Variants in RCC2 observed in about 807,000 individuals in gnomAD.
The protein encoded by RCC2 is regulator of chromosome condensation 2.
Under a neutral mutation model 64.1 loss-of-function variants are expected in RCC2, and 19 were observed. The observed-to-expected ratio is 0.30, with a 90% CI of 0.21 to 0.44. The LOEUF (loss-of-function observed/expected upper bound fraction) is 0.44. Among genes scored for constraint, RCC2 ranks in the 20% least tolerant of loss-of-function variants. The pLI, the probability that RCC2 is intolerant of heterozygous loss-of-function variation, is 1.00. For missense variants in RCC2, 508 were observed against 710.4 expected (o/e 0.72, Z 3.24); for synonymous variants, 325 against 279.6 (o/e 1.16, Z -1.62).
chr1:17,425,944 G>A (rs1446780386), intron 3 of RCC2, among the ~76,000 whole-genome samples: 1 of 152,112 alleles, frequency 6.6e-6, no homozygotes, highest in South Asian at 2.1e-4. Flanking sequence ...ACACCCATTC[G>A]GCCCCAGCCC....
At chr1:17,409,788 C>A (rs2075405298) in intron 12 of RCC2, among the ~76,000 whole-genome samples, 186 bp downstream of exon 12, 1 of 152,248 alleles carries the variant, frequency 6.6e-6, no homozygotes, top group Non-Finnish European at 1.5e-5. Flanking sequence ...TGGCCAGCAA[C>A]CCTGTGCACT....
rs534481846 is a variant in RCC2 at position 17,438,644 on chromosome 1, G to A, written c.-8-122C>T. ...CTCTGCCCTCCCCAAAGTGGCGGCC[G>A]CAGGGTGGGCGGAGAGGGGGCGAGT... On this transcript the variant is annotated intron_variant, in intron 1 of 12. Transcript: ENST00000375436. 155 of 1,020,524 alleles carry A rather than the reference G, an allele frequency of 1.5e-4. No homozygotes were observed. The African/African-American group carries it at 2.3e-3, about 15-fold the overall frequency. 63.2% of individuals were successfully genotyped at this position (1,020,524 alleles called of 1,614,324 possible). A position where few individuals can be genotyped will look rare whatever the true frequency, so the allele number is the denominator to read the frequency against.
chr1:17,421,085 C>A (rs1177080245), intron 6 of RCC2, among the ~76,000 whole-genome samples: 18 of 152,140 alleles, frequency 1.2e-4, no homozygotes, highest in Non-Finnish European at 1.5e-5. Flanking sequence ...TCAATAAAAC[C>A]AAGTCCCTCC....
At chr1:17,420,648 C>T (rs1461008240) in intron 7 of RCC2, 66 bp downstream of exon 7, 4 of 1,034,980 alleles carry the variant, frequency 3.9e-6, no homozygotes, top group Non-Finnish European at 5.7e-6. Context: ...TGCAGCCCCA[C>T]ACTGATCTCT....
At chr1:17,431,476 T>C (rs1439224912) in intron 2 of RCC2, among the ~76,000 whole-genome samples, 6 of 94,308 alleles carry the variant, frequency 6.4e-5, no homozygotes. Context: ...AGACCAACCA[T>C]GGTGACAAAG....
At chr1:17,436,671 G>A (rs533460348) in intron 2 of RCC2, among the ~76,000 whole-genome samples, 1 of 152,176 alleles carries the variant, frequency 6.6e-6, no homozygotes, top group Admixed American at 6.5e-5. Flanking sequence ...TTGCTCTGAT[G>A]GCAAAATTCA....
chr1:17,413,010 G>T, intron 10 of RCC2, 63 bp downstream of exon 10: 1 of 1,248,214 alleles, frequency 8.0e-7, no homozygotes. Context: ...GCACCCCATG[G>T]GTGTGTCTGA....
chr1:17,438,702 G>T, intron 1 of RCC2, 180 bp from the exon 2 acceptor site: 1 of 532,848 alleles, frequency 1.9e-6, no homozygotes, highest in Non-Finnish European at 2.8e-6. Flanking sequence ...CCCTGGCCCC[G>T]GCGCGGCTCC....
intron 2 of RCC2, among the ~76,000 whole-genome samples, chr1:17,431,333 CAAAA>C (rs1168877538): frequency 4.1e-4 from 4 of 9,660 alleles, no homozygotes; most frequent in African/African-American, 1.3e-3. Flanking sequence ...GACTCCATCT[CAAAA>C]AAAAAAAAAA....
chr1:17,433,807 T>C (rs1036225099), intron 2 of RCC2, among the ~76,000 whole-genome samples: 2 of 152,162 alleles, frequency 1.3e-5, no homozygotes, highest in South Asian at 2.1e-4. Context: ...CCTTTTAACA[T>C]AGGTCCATGT....
At chr1:17,433,075 T>C (rs1334992497) in intron 2 of RCC2, among the ~76,000 whole-genome samples, 1 of 152,190 alleles carries the variant, frequency 6.6e-6, no homozygotes, top group African/African-American at 2.4e-5. Flanking sequence ...TATACGTGTG[T>C]ATGTGTGAAA....
chr1:17,413,056 G>C lies in RCC2; in HGVS notation c.1313+17C>G. The C allele has an allele frequency of 6.3e-7, 1 of 1,579,460 alleles. No individual in the cohort carries two copies. ...AAAGGAAGAGACCTCATACCCACAGGAGATGCTGCCACCTACCCACAAGCC... is the reference window on the plus strand; with the variant it reads ...AAAGGAAGAGACCTCATACCCACAGCAGATGCTGCCACCTACCCACAAGCC... On this transcript the variant is annotated intron_variant, in intron 10 of 12. Transcript: ENST00000375436.
intron 7 of RCC2, among the ~76,000 whole-genome samples, chr1:17,419,719 G>A (rs2075530101): frequency 6.6e-6 from 1 of 152,178 alleles, no homozygotes; most frequent in South Asian, 2.1e-4. Flanking sequence ...AAATCGACTT[G>A]CCGGGGTGCA....
At chr1:17,419,321 T>C (rs141264433) in intron 7 of RCC2, among the ~76,000 whole-genome samples, 23 of 152,282 alleles carry the variant, frequency 1.5e-4, no homozygotes, top group African/African-American at 5.5e-4. Context: ...ATCACACCAC[T>C]GCACTCCATC....
At chr1:17,427,711 G>A (rs1377275597) in intron 3 of RCC2, among the ~76,000 whole-genome samples, 1 of 152,092 alleles carries the variant, frequency 6.6e-6, no homozygotes, top group Non-Finnish European at 1.5e-5. Flanking sequence ...AGATGCTCCT[G>A]GACTTACCAA....
chr1:17,417,068 G>A (rs2075495059), intron 7 of RCC2, among the ~76,000 whole-genome samples: 1 of 152,198 alleles, frequency 6.6e-6, no homozygotes, highest in Non-Finnish European at 1.5e-5. Flanking sequence ...CCCCACTGGA[G>A]GGACCACAAG....
In RCC2 at chr1:17,438,378, C is replaced by G; in HGVS notation, c.137G>C (p.Ser46Thr). The part of the protein sequence containing the change: ...RERPERCSSS[S>T]GGGSSGDEDG... ...CTCGTCGCCGCTGCTGCCGCCGCCG[C>G]TGCTGCTACTGCAGCGCTCGGGCCG... The change falls in exon 2 of 13, where the codon AGC (serine) becomes ACC (threonine). Residue 46 changes from serine (S) to threonine (T), a missense_variant. By Grantham distance (58) the Ser-to-Thr change is moderately conservative. Around this residue, in one of 4 missense-constraint regions of RCC2, gnomAD observed 195 missense variants for 158.3 expected, o/e 1.23. Coordinates refer to ENST00000375436, the MANE Select transcript of RCC2 (RefSeq NM_018715.4). The G allele has an allele frequency of 1.6e-6, 2 of 1,249,932 alleles. No homozygotes were observed. The highest frequency in any genetic ancestry group is 2.0e-6 in the Non-Finnish European group (2 of 1,001,522). The allele number at this position is 1,249,932 out of a possible 1,614,324, so 77.4% of individuals were successfully genotyped here.
chr1:17,416,367 A>AGAT (rs961698772), intron 8 of RCC2, 113 bp downstream of exon 8: 4 of 1,196,230 alleles, frequency 3.3e-6, no homozygotes. Flanking sequence ...AGAAGCAAGC[A>AGAT]GATGTCTACC....
At chr1:17,430,221 C>T (rs1460606753) in intron 2 of RCC2, among the ~76,000 whole-genome samples, 1 of 152,136 alleles carries the variant, frequency 6.6e-6, no homozygotes, top group Non-Finnish European at 1.5e-5. Flanking sequence ...TGGAAGGCTT[C>T]AGGAAAAAAG....
Sources: gnomAD v4.1 joint callset for allele counts (sites outside exome capture counted in the v4.1 genomes callset) on GRCh38, gnomAD v4.1.1 for gene constraint, gnomAD v4.1.1 regional missense constraint, MANE v1.5 for transcripts, NCBI Gene and HGNC (gene_info 2026-07-23, HGNC 2026-07-21) for gene names.